EML4: variants seen among roughly 807,000 people sequenced by gnomAD.
EML4 encodes echinoderm microtubule-associated protein-like 4.
Under a neutral mutation model 129.0 loss-of-function variants are expected in EML4, and 72 were observed. That is an observed-to-expected ratio of 0.56 (90% CI 0.46 to 0.68). The LOEUF is 0.68. EML4 is among the 30% of genes least tolerant of loss of function. The pLI is 0.00. For missense variants in EML4, 1,363 were observed against 1,190.6 expected (o/e 1.14, Z -2.13); for synonymous variants, 532 against 405.0 (o/e 1.31, Z -3.77).
intron 1 of EML4, among the ~76,000 whole-genome samples, chr2:42,188,144 T>C (rs780316826): frequency 3.3e-5 from 5 of 152,196 alleles, no homozygotes; most frequent in Non-Finnish European, 5.9e-5. Context: ...AGACCACATA[T>C]GTGTAGATGG....
chr2:42,282,791 T>C, intron 7 of EML4, 32 bp from the exon 8 acceptor site: 1 of 1,595,102 alleles, frequency 6.3e-7, no homozygotes, highest in Non-Finnish European at 8.6e-7. Context: ...AAAACTGTGT[T>C]TATTTAAAAC....
chr2:42,224,289 A>G (rs184534507), intron 1 of EML4, among the ~76,000 whole-genome samples: 1 of 152,212 alleles, frequency 6.6e-6, no homozygotes, highest in Non-Finnish European at 1.5e-5. Context: ...CATTATGTAA[A>G]TTGAATCATA....
rs10530482 is a variant in EML4, at chr2:42,325,602, T to TTATATATATATA, written c.2242+74_2242+85dup. On this transcript the variant is annotated intron_variant, in intron 20 of 22. Coordinates refer to ENST00000318522, the MANE Select transcript of EML4 (RefSeq NM_019063.5). ...ATATATATATATGCTATGATTATAT[T>TTATATATATATA]TATATATATATATATATATATATAT... is the stretch of plus-strand genomic sequence containing the variant. The TTATATATATATA allele has an allele frequency of 3.5e-3, 454 of 129,062 alleles. 12 individuals carry two copies. The highest frequency in any genetic ancestry group is 8.7e-3 in the Middle Eastern group (3 of 344). 8.0% of individuals were successfully genotyped at this position (129,062 alleles called of 1,614,324 possible).
chr2:42,261,564 A>G (rs1039547116), intron 4 of EML4: 4 of 279,220 alleles, frequency 1.4e-5, no homozygotes, highest in Non-Finnish European at 2.0e-5. Context: ...AACCTAGTCG[A>G]AAACCAAACA....
chr2:42,242,383 A>G (rs1429560258), intron 1 of EML4, among the ~76,000 whole-genome samples: 2 of 152,178 alleles, frequency 1.3e-5, no homozygotes, highest in East Asian at 3.9e-4. Flanking sequence ...ATTACGTTAC[A>G]TAATTAGCTG....
At chr2:42,190,199 T>C (rs527838011) in intron 1 of EML4, among the ~76,000 whole-genome samples, 24 of 152,370 alleles carry the variant, frequency 1.6e-4, no homozygotes, top group Admixed American at 8.5e-4. Flanking sequence ...GTATGTGTTA[T>C]CTATATTCTC....
At chr2:42,257,788 G>A (rs925602939) in intron 3 of EML4, among the ~76,000 whole-genome samples, 7 of 149,894 alleles carry the variant, frequency 4.7e-5, no homozygotes, top group East Asian at 3.9e-4. Context: ...AGTGAGCCAC[G>A]ATTGCGCCAC....
At chr2:42,171,205 G>T (rs1239433145) in intron 1 of EML4, among the ~76,000 whole-genome samples, 2 of 152,132 alleles carry the variant, frequency 1.3e-5, no homozygotes, top group African/African-American at 4.8e-5. Flanking sequence ...GTGTTGGACC[G>T]AAAAACTTGT....
intron 1 of EML4, among the ~76,000 whole-genome samples, chr2:42,233,600 C>T (rs1269139153): frequency 6.6e-6 from 1 of 152,152 alleles, no homozygotes; most frequent in Non-Finnish European, 1.5e-5. Flanking sequence ...AGCCACCGCA[C>T]CCAGCCCCTA....
chr2:42,261,472 G>T, intron 4 of EML4, 178 bp downstream of exon 4: 1 of 381,078 alleles, frequency 2.6e-6, no homozygotes, highest in East Asian at 3.9e-5. Flanking sequence ...AAAGAATTAA[G>T]GTCACAATTT....
chr2:42,303,023 C>G, intron 14 of EML4, 81 bp from the exon 15 acceptor site: 1 of 1,423,760 alleles, frequency 7.0e-7, no homozygotes, highest in Non-Finnish European at 9.7e-7. Context: ...CTCATAATTG[C>G]TTACAGCTAT....
chr2:42,293,935 T>C (rs567918533), intron 11 of EML4, among the ~76,000 whole-genome samples: 1 of 152,366 alleles, frequency 6.6e-6, no homozygotes, highest in Admixed American at 6.5e-5. Context: ...AAGGAAATGC[T>C]TCCGTACACG....
At chr2:42,170,434 G>A (rs1209042314) in intron 1 of EML4, 1 of 152,220 alleles carries the variant, frequency 6.6e-6, no homozygotes, top group African/African-American at 2.4e-5. Flanking sequence ...GGGAAGGAAA[G>A]GATTCTCCAT....
intron 6 of EML4, among the ~76,000 whole-genome samples, chr2:42,270,089 G>A (rs1273928628): frequency 6.6e-6 from 1 of 152,164 alleles, no homozygotes; most frequent in Non-Finnish European, 1.5e-5. Context: ...AATTTTTCCT[G>A]TTACCCTGAG....
At chr2:42,321,188 C>T (rs988074438) in intron 19 of EML4, among the ~76,000 whole-genome samples, 2 of 151,972 alleles carry the variant, frequency 1.3e-5, no homozygotes, top group African/African-American at 4.8e-5. Flanking sequence ...TCTACACCAT[C>T]CTGGCTAACA....
At chr2:42,300,246 T>C (rs1668206817) in intron 13 of EML4, among the ~76,000 whole-genome samples, 1 of 152,236 alleles carries the variant, frequency 6.6e-6, no homozygotes, top group Non-Finnish European at 1.5e-5. Context: ...TGGTAACTAA[T>C]TCTGTAGGAC....
chr2:42,321,904 G>A (rs916242223), intron 19 of EML4, among the ~76,000 whole-genome samples: 2 of 152,200 alleles, frequency 1.3e-5, no homozygotes, highest in Non-Finnish European at 2.9e-5. Flanking sequence ...AAACATTGCT[G>A]AAAGACATAA....
chr2:42,292,079 T>C (rs1457773843), intron 11 of EML4, among the ~76,000 whole-genome samples: 1 of 152,226 alleles, frequency 6.6e-6, no homozygotes, highest in African/African-American at 2.4e-5. Flanking sequence ...CTTCAGTTCT[T>C]AGGCGTTGGC....
At chr2:42,301,157 T>C (rs1668264615) in intron 13 of EML4, 84 bp from the exon 14 acceptor site, 1 of 1,189,728 alleles carries the variant, frequency 8.4e-7, no homozygotes, top group African/African-American at 1.6e-5. Context: ...TTAACTCTAG[T>C]TCTACTGAAG....
Sources: allele counts gnomAD v4.1 joint callset (sites outside exome capture counted in the v4.1 genomes callset), GRCh38; gene constraint gnomAD v4.1.1; transcripts MANE v1.5; gene names NCBI Gene and HGNC (gene_info 2026-07-23, HGNC 2026-07-21).